PARP15: variants seen among roughly 807,000 people sequenced by gnomAD.
PARP15 encodes poly(ADP-ribose) polymerase family member 15.
A neutral mutation model predicts 62.1 loss-of-function variants in PARP15; 50 were observed. The ratio of observed to expected loss-of-function variants is 0.81; its 90% CI spans 0.64 to 1.02. The LOEUF (loss-of-function observed/expected upper bound fraction) is 1.02. Among genes scored for constraint, PARP15 ranks in the 50% least tolerant of loss-of-function variants. The pLI is 0.00. For synonymous variants in PARP15, 309 were observed against 293.1 expected (o/e 1.05, Z -0.55); for missense variants, 820 against 826.5 (o/e 0.99, Z 0.10).
intron 1 of PARP15, among the ~76,000 whole-genome samples, chr3:122,590,087 C>T (rs986071915): frequency 1.3e-5 from 2 of 151,714 alleles, no homozygotes; most frequent in African/African-American, 4.8e-5. Context: ...GGAGTTTCAC[C>T]GTGTTAGCCA....
chr3:122,612,670 G>A (rs995059254), intron 3 of PARP15, among the ~76,000 whole-genome samples: 1 of 151,932 alleles, frequency 6.6e-6, no homozygotes, highest in Non-Finnish European at 1.5e-5. Flanking sequence ...TCGATCTCCT[G>A]ACCTCATTAT....
rs190902260 is a variant in PARP15, at chr3:122,629,711, G to A, written c.1439-2375G>A. Among the ~76,000 whole-genome samples the A allele has an allele frequency of 5.0e-3, 630 of 126,446 alleles. 2 individuals carry two copies. The highest frequency in any genetic ancestry group is 7.2e-3 in the Non-Finnish European group (408 of 56,392). The allele number at this position is 126,446 out of a possible 152,430, so 83.0% of individuals were successfully genotyped here. ...CAACTTACCACAGTGTAGAATCAGT[G>A]GGAGCCCTGAGCTTGTTTTCCTGCA... On this transcript the variant is annotated intron_variant, in intron 9 of 11. Coordinates refer to ENST00000464300, the MANE Select transcript of PARP15 (RefSeq NM_001113523.3).
intron 1 of PARP15, among the ~76,000 whole-genome samples, chr3:122,580,003 A>G (rs60723206): frequency 0.063 from 5,903 of 94,114 alleles, 288 homozygotes; most frequent in African/African-American, 0.074. Flanking sequence ...CTATATGTAT[A>G]TATATATATA....
intron 1 of PARP15, among the ~76,000 whole-genome samples, chr3:122,590,566 GC>G (rs1477202864): frequency 2.6e-5 from 4 of 152,162 alleles, no homozygotes. Flanking sequence ...GAGCCACCGT[GC>G]CCAGCCCCAA....
chr3:122,610,403 G>A (rs932586942), intron 2 of PARP15, 91 bp from the exon 3 acceptor site: 2 of 1,192,018 alleles, frequency 1.7e-6, no homozygotes, highest in African/African-American at 1.5e-5. Flanking sequence ...AAACATATCT[G>A]TACATTACCC....
At chr3:122,583,267 C>T (rs1337600088) in intron 1 of PARP15, among the ~76,000 whole-genome samples, 1 of 143,102 alleles carries the variant, frequency 7.0e-6, no homozygotes, top group African/African-American at 2.6e-5. Flanking sequence ...TTACAGGTGC[C>T]TGCCACCATG....
At chr3:122,583,764 T>A (rs374826340) in intron 1 of PARP15, among the ~76,000 whole-genome samples, 11 of 152,302 alleles carry the variant, frequency 7.2e-5, no homozygotes, top group East Asian at 3.9e-4. Flanking sequence ...ATTATGAGAT[T>A]TTTCTACTGT....
intron 11 of PARP15, 84 bp downstream of exon 11, chr3:122,635,278 G>A: frequency 1.6e-6 from 2 of 1,260,236 alleles, no homozygotes; most frequent in Non-Finnish European, 2.2e-6. Context: ...TGGAACCATG[G>A]TGGGCAGCTG....
At chr3:122,622,610 C>T (rs1411937514) in intron 8 of PARP15, among the ~76,000 whole-genome samples, 1 of 152,208 alleles carries the variant, frequency 6.6e-6, no homozygotes, top group African/African-American at 2.4e-5. Flanking sequence ...ATGCCGTTAC[C>T]TAGGCTCTGT....
chr3:122,615,713 C>G, intron 4 of PARP15, 66 bp from the exon 5 acceptor site: 1 of 1,605,036 alleles, frequency 6.2e-7, no homozygotes, highest in Non-Finnish European at 8.5e-7. Context: ...ATGATCAATG[C>G]TCCAAAGAAT....
Position 122,635,817 on chromosome 3 carries a change from C to T in PARP15, c.1754C>T (p.Ser585Phe), listed in dbSNP as rs139489271. 1.2e-6 allele frequency: 2 copies of T among 1,612,662 alleles called. No individual in the cohort carries two copies. Among genetic ancestry groups the T allele is most frequent in the African/African-American group, 2.7e-5 (2 of 74,986 alleles). ...TTTGTCTTTCTCTTTCCAGCTGTAT[C>T]CTATGGAAAAGGAACCTATTTTGCT... ...NRSCAGKNAV[S>F]YGKGTYFAVD... Residue 585 changes from serine (S) to phenylalanine (F), a missense_variant, in exon 12 of 12, where the codon TCC (serine) becomes TTC (phenylalanine). Physicochemically the swap from Ser to Phe is radical, Grantham distance 155. Transcript: ENST00000464300.
At chr3:122,612,559 C>A (rs962496794) in intron 3 of PARP15, among the ~76,000 whole-genome samples, 9 of 152,114 alleles carry the variant, frequency 5.9e-5, no homozygotes, top group Non-Finnish European at 1.2e-4. Context: ...GCCTCAGCCT[C>A]CCAAGTAGCT....
chr3:122,617,128 G>T lies in PARP15; in HGVS notation c.964G>T (p.Val322Leu), dbSNP rs776685986. Residue 322 changes from valine (V) to leucine (L), a missense_variant, in exon 6 of 12, where the codon GTA becomes TTA. Val to Leu is a conservative substitution (Grantham distance 32). Transcript: ENST00000464300. ...AGCCACTGAACAGGTAGATGTTATT[G>T]TAAACTCAACAGCAAGGACATTTAA... is the stretch of plus-strand genomic sequence containing the variant. The part of the protein sequence containing the change: ...DIATEQVDVI[V>L]NSTARTFNRK... 1.4e-5 allele frequency: 22 copies of T among 1,613,810 alleles called. 1 individual carries two copies. The Middle Eastern group carries it at 2.5e-3, about 182-fold the overall frequency.
At position 122,636,812 on chromosome 3, in the gene PARP15, G is replaced by C. The variant is rs138827758; in HGVS notation, c.*712G>C. On this transcript the variant is annotated 3_prime_UTR_variant, in exon 12 of 12. Coordinates refer to ENST00000464300, the MANE Select transcript of PARP15 (RefSeq NM_001113523.3). ...TGTCAGGGGATGTGGTCGTTTGAAGGCTTGTCTGGGCTGGAGGTCTATTTC... is the reference window on the plus strand; with the variant it reads ...TGTCAGGGGATGTGGTCGTTTGAAGCCTTGTCTGGGCTGGAGGTCTATTTC... 1.3e-5 allele frequency: 2 copies of C among 152,154 alleles called. No individual in the cohort carries two copies. The highest frequency in any genetic ancestry group is 4.8e-5 in the African/African-American group (2 of 41,392). The allele number at this position is 152,154 out of a possible 1,614,324, so 9.4% of individuals were successfully genotyped here. A position where few individuals can be genotyped will look rare whatever the true frequency, so the allele number is the denominator to read the frequency against.
chr3:122,632,587 T>A (rs749602940), intron 10 of PARP15, among the ~76,000 whole-genome samples: 7 of 152,228 alleles, frequency 4.6e-5, no homozygotes, highest in Non-Finnish European at 8.8e-5. Context: ...AACTTTGCTG[T>A]CCTCTGTGTC....
In PARP15 at chr3:122,635,853, G is replaced by A; in HGVS notation, c.1790G>A (p.Ser597Asn). 6.2e-7 allele frequency: 1 copy of A among 1,614,030 alleles called. No homozygotes were observed. The highest frequency in any genetic ancestry group is 8.5e-7 in the Non-Finnish European group (1 of 1,179,944). Residue 597 changes from serine to asparagine, a missense_variant, in exon 12 of 12, where the codon AGT becomes AAT. By Grantham distance (46) the Ser-to-Asn change is conservative. Around this residue, in one of 3 missense-constraint regions of PARP15, gnomAD observed 731 missense variants for 727.7 expected, o/e 1.00. Coordinates refer to ENST00000464300, the MANE Select transcript of PARP15 (RefSeq NM_001113523.3). ...GKGTYFAVDA[S>N]YSAKDTYSKP... is the part of the protein sequence containing the mutation. ...GGAACCTATTTTGCTGTGGATGCCA[G>A]TTATTCTGCCAAGGACACCTACTCC... is the stretch of plus-strand genomic sequence containing the variant.
Position 122,583,482 on chromosome 3 carries a change from T to G in PARP15, c.186+5629T>G, listed in dbSNP as rs1933136883. On this transcript the variant is annotated intron_variant, in intron 1 of 11. Coordinates refer to ENST00000464300, the MANE Select transcript of PARP15 (RefSeq NM_001113523.3). ...TTATTTTTCTCTTCATTATGCATTATATATTGCTACTTTTTTCATGCCTAG... is the reference window on the plus strand; with the variant it reads ...TTATTTTTCTCTTCATTATGCATTAGATATTGCTACTTTTTTCATGCCTAG... 2.0e-5 allele frequency among the ~76,000 whole-genome samples: 3 copies of G among 152,178 alleles called. No homozygotes were observed. The South Asian group carries it at 6.2e-4, about 32-fold the overall frequency.
At chr3:122,617,250 C>A in intron 6 of PARP15, 86 bp downstream of exon 6, 1 of 1,368,402 alleles carries the variant, frequency 7.3e-7, no homozygotes, top group Non-Finnish European at 1.0e-6. Context: ...CCTGAGTGGA[C>A]AGAGAGTGTT....
At chr3:122,608,213 C>CTTTTTTTTTTTTTTTTTTTTTTTT (rs71136576) in intron 2 of PARP15, among the ~76,000 whole-genome samples, 7 of 113,914 alleles carry the variant, frequency 6.1e-5, no homozygotes, top group Non-Finnish European at 9.0e-5. Flanking sequence ...TTTCTCTTTT[C>CTTTTTTTTTTTTTTTTTTTTTTTT]TTTTTTTTTT....
Sources: allele counts gnomAD v4.1 joint callset (sites outside exome capture counted in the v4.1 genomes callset), GRCh38; gene constraint gnomAD v4.1.1; regional missense constraint gnomAD v4.1.1; transcripts MANE v1.5; gene names NCBI Gene and HGNC (gene_info 2026-07-23, HGNC 2026-07-21).